Variants in ROBO2 observed in about 807,000 individuals in gnomAD.
ROBO2 encodes roundabout homolog 2.
A neutral mutation model predicts 160.8 loss-of-function variants in ROBO2; 53 were observed. The observed-to-expected ratio is 0.33, with a 90% CI of 0.26 to 0.41. The LOEUF is 0.41. Ranked by LOEUF, ROBO2 falls within the 10% of genes least tolerant of loss-of-function variation. The pLI, the probability that ROBO2 is intolerant of heterozygous loss-of-function variation, is 1.00. For missense variants in ROBO2, 1,577 were observed against 1,722.4 expected, an observed-to-expected ratio of 0.92 and a Z score of 1.49; for synonymous variants, 664 against 611.7, an observed-to-expected ratio of 1.09 and a Z score of -1.26.
In ROBO2 at chr3:77,567,533, T is replaced by C. The variant is rs1356643101; in HGVS notation, c.1850-780T>C. ...GTACTTAGGAGACTGATGAATAATGTGGCATAACAATGTGTGACTGAGGGT... is the reference window on the plus strand; with the variant it reads ...GTACTTAGGAGACTGATGAATAATGCGGCATAACAATGTGTGACTGAGGGT... On this transcript the variant is annotated intron_variant, in intron 12 of 25. Coordinates refer to ENST00000461745, the Ensembl canonical transcript of ROBO2. Among the ~76,000 whole-genome samples the C allele has an allele frequency of 2.0e-5, 3 of 152,032 alleles. No homozygotes were observed. The East Asian group carries it at 5.8e-4, about 29-fold the overall frequency.
At chr3:76,770,402 A>T (rs943019120) in intron 2 of ROBO2, among the ~76,000 whole-genome samples, 9 of 151,240 alleles carry the variant, frequency 6.0e-5, no homozygotes, top group Admixed American at 2.0e-4. Flanking sequence ...TTTCTAGATG[A>T]TCATAATTAA....
intron 2 of ROBO2, among the ~76,000 whole-genome samples, chr3:76,685,662 A>T (rs931265885): frequency 3.3e-5 from 5 of 152,186 alleles, no homozygotes; most frequent in Non-Finnish European, 1.5e-5. Context: ...AAATTTGAGT[A>T]AATAAAACTA....
chr3:77,583,031 A>G (rs2093957565), intron 16 of ROBO2, among the ~76,000 whole-genome samples: 2 of 151,358 alleles, frequency 1.3e-5, no homozygotes, highest in African/African-American at 4.8e-5. Context: ...AGTCCCAGCT[A>G]CTCGGGAGGC....
intron 2 of ROBO2, among the ~76,000 whole-genome samples, chr3:77,310,196 C>A (rs2063423667): frequency 6.6e-6 from 1 of 152,082 alleles, no homozygotes; most frequent in South Asian, 2.1e-4. Flanking sequence ...AAATTAAGAG[C>A]CCGTTTATTG....
At chr3:76,844,125 C>T (rs1414765471) in intron 2 of ROBO2, among the ~76,000 whole-genome samples, 2 of 151,852 alleles carry the variant, frequency 1.3e-5, no homozygotes, top group African/African-American at 4.8e-5. Flanking sequence ...TTTGTTTCCC[C>T]AACACTTACA....
chr3:76,427,274 C>G (rs1237233635), intron 2 of ROBO2, among the ~76,000 whole-genome samples: 2 of 151,114 alleles, frequency 1.3e-5, no homozygotes, highest in Admixed American at 1.3e-4. Context: ...AAAAAAAAAA[C>G]CACTCGCTTG....
intron 2 of ROBO2, among the ~76,000 whole-genome samples, chr3:76,023,596 G>T (rs1352952367): frequency 1.3e-5 from 2 of 151,444 alleles, no homozygotes; most frequent in Non-Finnish European, 3.0e-5. Flanking sequence ...CAGAGTGTAT[G>T]GTGCCCCACA....
At chr3:76,511,458 C>T (rs927087968) in intron 2 of ROBO2, among the ~76,000 whole-genome samples, 1 of 152,174 alleles carries the variant, frequency 6.6e-6, no homozygotes, top group African/African-American at 2.4e-5. Flanking sequence ...CTGAAATTCT[C>T]ATCAAAATAT....
intron 2 of ROBO2, among the ~76,000 whole-genome samples, chr3:77,393,311 T>C (rs2074937061): frequency 6.6e-6 from 1 of 152,084 alleles, no homozygotes; most frequent in Middle Eastern, 3.2e-3. Flanking sequence ...TTATATTTGG[T>C]CTGATTTACC....
chr3:76,594,002 CAT>C (rs1452273757), intron 2 of ROBO2, among the ~76,000 whole-genome samples: 3 of 151,894 alleles, frequency 2.0e-5, no homozygotes, highest in Non-Finnish European at 4.4e-5. Flanking sequence ...TGTAAAGTAA[CAT>C]ATTATCATAA....
intron 2 of ROBO2, among the ~76,000 whole-genome samples, chr3:76,961,910 T>C (rs2079691943): frequency 1.3e-5 from 2 of 152,182 alleles, no homozygotes; most frequent in African/African-American, 4.8e-5. Context: ...ATTTAAAATG[T>C]GAAATACGCC....
intron 2 of ROBO2, among the ~76,000 whole-genome samples, chr3:76,824,728 T>C (rs902714202): frequency 3.3e-5 from 5 of 152,078 alleles, no homozygotes; most frequent in African/African-American, 1.2e-4. Context: ...AATTCAGGAA[T>C]AGCAGGTATA....
At chr3:76,256,297 G>GAGTC (rs1253135273) in intron 2 of ROBO2, among the ~76,000 whole-genome samples, 1 of 127,106 alleles carries the variant, frequency 7.9e-6, no homozygotes, top group Non-Finnish European at 1.7e-5. Context: ...GTGACAGAGT[G>GAGTC]AGTCTCTCTC....
At chr3:76,494,635 G>A (rs1489693178) in intron 2 of ROBO2, among the ~76,000 whole-genome samples, 2 of 152,084 alleles carry the variant, frequency 1.3e-5, no homozygotes, top group South Asian at 2.1e-4. Flanking sequence ...AAAGGGGAGC[G>A]TTTGAGTGCC....
At chr3:76,569,952 T>C (rs1266458067) in intron 2 of ROBO2, among the ~76,000 whole-genome samples, 2 of 151,908 alleles carry the variant, frequency 1.3e-5, no homozygotes, top group South Asian at 2.1e-4. Flanking sequence ...TAGGGAGACA[T>C]TGTCTCTAAT....
intron 2 of ROBO2, among the ~76,000 whole-genome samples, chr3:77,249,332 A>G (rs2090094185): frequency 6.6e-6 from 1 of 152,250 alleles, no homozygotes; most frequent in Non-Finnish European, 1.5e-5. Flanking sequence ...AATATTCTGT[A>G]CAATTTGTAA....
chr3:77,474,691 C>CAT (rs1553973682), intron 2 of ROBO2, among the ~76,000 whole-genome samples: 695 of 150,720 alleles, frequency 4.6e-3, no homozygotes, highest in East Asian at 0.013. Context: ...CACACACACA[C>CAT]TCAATTTAGA....
chr3:77,556,710 T>C (rs2093135480), intron 8 of ROBO2, among the ~76,000 whole-genome samples: 1 of 151,950 alleles, frequency 6.6e-6, no homozygotes, highest in Non-Finnish European at 1.5e-5. Flanking sequence ...GGTGAGTTTT[T>C]TGAGAAACAA....
chr3:77,477,047 GCACA>G (rs3073759), intron 2 of ROBO2, among the ~76,000 whole-genome samples: 1 of 151,094 alleles, frequency 6.6e-6, no homozygotes, highest in East Asian at 1.9e-4. Context: ...ATATATGCGT[GCACA>G]CACACACACA....
Sources: allele counts gnomAD v4.1 joint callset (sites outside exome capture counted in the v4.1 genomes callset), GRCh38; gene constraint gnomAD v4.1.1; transcripts MANE v1.5; gene names NCBI Gene and HGNC (gene_info 2026-07-23, HGNC 2026-07-21).